The following TBC1D15 variants were observed in gnomAD, a reference collection of about 807,000 sequenced individuals.
The protein encoded by TBC1D15 is GAP for RAB7.
A neutral mutation model predicts 95.4 loss-of-function variants in TBC1D15; 39 were observed. The observed-to-expected ratio is 0.41, with a 90% CI of 0.32 to 0.53. The LOEUF (loss-of-function observed/expected upper bound fraction) is 0.53. Among genes scored for constraint, TBC1D15 ranks in the 20% least tolerant of loss-of-function variants. TBC1D15 has a pLI of 0.29. For synonymous variants in TBC1D15, 258 were observed against 261.3 expected, an observed-to-expected ratio of 0.99 and a Z score of 0.12; for missense variants, 733 against 794.3, an observed-to-expected ratio of 0.92 and a Z score of 0.93.
chr12:71,886,988 A>G (rs752837752), intron 5 of TBC1D15, among the ~76,000 whole-genome samples: 3 of 152,040 alleles, frequency 2.0e-5, no homozygotes, highest in Non-Finnish European at 4.4e-5. Flanking sequence ...CTTTTTACTG[A>G]TTATATTTTG....
At chr12:71,886,529 A>C (rs568193309) in intron 5 of TBC1D15, among the ~76,000 whole-genome samples, 4 of 152,334 alleles carry the variant, frequency 2.6e-5, no homozygotes, top group Non-Finnish European at 2.9e-5. Flanking sequence ...GCCCAAATTT[A>C]GATTACATAA....
chr12:71,899,101 T>C (rs957865894), intron 10 of TBC1D15, among the ~76,000 whole-genome samples: 1 of 152,188 alleles, frequency 6.6e-6, no homozygotes, highest in Non-Finnish European at 1.5e-5. Flanking sequence ...GAAGGGAAGT[T>C]AGAGGTCAAC....
chr12:71,868,542 G>A (rs1891989536), intron 1 of TBC1D15, among the ~76,000 whole-genome samples: 3 of 151,998 alleles, frequency 2.0e-5, no homozygotes, highest in Non-Finnish European at 4.4e-5. Flanking sequence ...CACTGTGCCC[G>A]GCCAGCTTTG....
intron 7 of TBC1D15, among the ~76,000 whole-genome samples, chr12:71,895,380 TATAA>T (rs1897969056): frequency 6.6e-6 from 1 of 152,102 alleles, no homozygotes; most frequent in Non-Finnish European, 1.5e-5. Flanking sequence ...GTTAGAAAAC[TATAA>T]ATATCTAAAT....
intron 4 of TBC1D15, among the ~76,000 whole-genome samples, chr12:71,882,610 T>G (rs2138502853): frequency 6.6e-6 from 1 of 152,330 alleles, no homozygotes; most frequent in East Asian, 1.9e-4. Context: ...GATTTCCGTT[T>G]TCCTTTGTAA....
chr12:71,906,239 G>C (rs746639054), intron 10 of TBC1D15, among the ~76,000 whole-genome samples: 2 of 152,176 alleles, frequency 1.3e-5, no homozygotes, highest in Non-Finnish European at 2.9e-5. Context: ...AGGGGAGGCA[G>C]TTATCACTTT....
intron 11 of TBC1D15, among the ~76,000 whole-genome samples, chr12:71,910,155 A>G (rs1901833441): frequency 6.6e-6 from 1 of 151,918 alleles, no homozygotes; most frequent in African/African-American, 2.4e-5. Flanking sequence ...CAGGTTTGTC[A>G]AAGATCAGAT....
intron 2 of TBC1D15, 71 bp downstream of exon 2, chr12:71,872,239 A>T (rs1346176154): frequency 1.1e-6 from 1 of 907,766 alleles, no homozygotes; most frequent in African/African-American, 1.7e-5. Context: ...GAATTATCAG[A>T]AAGTTTGAAT....
Position 71,894,825 on chromosome 12 carries a change from C to T in TBC1D15, c.797C>T (p.Ala266Val). 1.2e-6 allele frequency: 2 copies of T among 1,613,144 alleles called. No homozygotes were observed. The highest frequency in any genetic ancestry group is 2.2e-5 in the South Asian group (2 of 91,042). ...PSEMADFLSD[A>V]IPGLKINQQE... ...GAAATGGCAGATTTTCTTAGTGATG[C>T]TATTCCAGGTCTAAAGATAAATCAA... is the stretch of plus-strand genomic sequence containing the variant. The change falls in exon 7 of 17, where the codon GCT (alanine) becomes GTT (valine). Residue 266 changes from alanine (A) to valine (V), a missense_variant. Physicochemically the swap from Ala to Val is moderately conservative, Grantham distance 64. Coordinates refer to ENST00000485960, the MANE Select transcript of TBC1D15 (RefSeq NM_001146213.3).
chr12:71,863,723 T>C (rs1200058899), intron 1 of TBC1D15, among the ~76,000 whole-genome samples: 2 of 152,186 alleles, frequency 1.3e-5, no homozygotes, highest in African/African-American at 2.4e-5. Flanking sequence ...TGTCACTCTT[T>C]TTTTTCCCCT....
intron 1 of TBC1D15, chr12:71,849,466 T>C: frequency 2.1e-6 from 2 of 966,270 alleles, no homozygotes; most frequent in East Asian, 2.4e-5. Context: ...GATTCCAAAC[T>C]CATTCCAAAA....
rs1566070867 is a variant in TBC1D15, at chr12:71,913,858, C to G, written c.1333C>G (p.Pro445Ala). 1 of 1,584,862 alleles carries G rather than the reference C, an allele frequency of 6.3e-7. No homozygotes were observed. Among genetic ancestry groups the G allele is most frequent in the East Asian group, 2.3e-5 (1 of 43,328 alleles). The change falls in exon 12 of 17, where the codon CCT (proline) becomes GCT (alanine). Residue 445 changes from proline to alanine, a missense_variant. Transcript: ENST00000485960. ...TCAAGGAATGAGTGATTTACTTTCC[C>G]CTCTTTTATATGTGATGGAAAATGA... is the stretch of plus-strand genomic sequence containing the variant. Reference protein sequence around the residue: ...YVQGMSDLLSPLLYVMENEVD... With the variant: ...YVQGMSDLLSALLYVMENEVD...
intron 1 of TBC1D15, chr12:71,854,545 T>C (rs1888579556): frequency 6.6e-6 from 3 of 456,544 alleles, no homozygotes; most frequent in Admixed American, 4.7e-5. Flanking sequence ...CTCTTTTCTG[T>C]TCTGTACCTT....
At chr12:71,866,446 A>G (rs12317279) in intron 1 of TBC1D15, among the ~76,000 whole-genome samples, 16,689 of 152,174 alleles carry the variant, frequency 0.11, 1,083 homozygotes, top group African/African-American at 0.16. Context: ...TCTCTTGTTT[A>G]CATCCTTGCT....
intron 16 of TBC1D15, 101 bp from the exon 17 acceptor site, chr12:71,922,882 T>C: frequency 1.8e-6 from 2 of 1,108,154 alleles, no homozygotes; most frequent in Non-Finnish European, 2.6e-6. Flanking sequence ...GGACAAATGC[T>C]CAGATTCTGG....
chr12:71,877,463 G>A (rs1418416099), intron 3 of TBC1D15, among the ~76,000 whole-genome samples: 3 of 149,158 alleles, frequency 2.0e-5, no homozygotes, highest in Admixed American at 2.0e-4. Context: ...TTCTGGACTG[G>A]TCCTGTAATT....
intron 4 of TBC1D15, among the ~76,000 whole-genome samples, chr12:71,883,446 T>A (rs1042345292): frequency 2.6e-5 from 4 of 152,218 alleles, no homozygotes; most frequent in African/African-American, 9.6e-5. Context: ...TAAGTTACTT[T>A]AGCTTCCTTC....
intron 1 of TBC1D15, among the ~76,000 whole-genome samples, chr12:71,863,095 T>C (rs1458108096): frequency 3.3e-5 from 5 of 152,142 alleles, no homozygotes; most frequent in African/African-American, 1.2e-4. Flanking sequence ...AATCTGCTTT[T>C]AGGCCGGGTG....
chr12:71,919,035 C>G (rs560638262), intron 14 of TBC1D15, among the ~76,000 whole-genome samples: 1 of 152,186 alleles, frequency 6.6e-6, no homozygotes, highest in Admixed American at 6.5e-5. Flanking sequence ...GATTCCATCA[C>G]CCAGGTAGTG....
Sources: gnomAD v4.1 joint callset for allele counts (sites outside exome capture counted in the v4.1 genomes callset) on GRCh38, gnomAD v4.1.1 for gene constraint, MANE v1.5 for transcripts, NCBI Gene and HGNC (gene_info 2026-07-23, HGNC 2026-07-21) for gene names.